ALDH5A1: variants seen among roughly 807,000 people sequenced by gnomAD.
ALDH5A1 encodes succinate-semialdehyde dehydrogenase, mitochondrial.
Under a neutral mutation model 54.7 loss-of-function variants are expected in ALDH5A1, and 33 were observed. The observed-to-expected ratio is 0.60, with a 90% CI of 0.46 to 0.81. The LOEUF (loss-of-function observed/expected upper bound fraction) is 0.81, where lower values mean the gene tolerates loss of function less well. Ranked by LOEUF, ALDH5A1 falls within the 30% of genes least tolerant of loss-of-function variation. The pLI is 0.00. For missense variants in ALDH5A1, 657 were observed against 711.0 expected (o/e 0.92, Z 0.86); for synonymous variants, 294 against 292.7 (o/e 1.00, Z -0.05).
chr6:24,496,163 A>C (rs977340142), intron 1 of ALDH5A1, among the ~76,000 whole-genome samples: 2 of 152,160 alleles, frequency 1.3e-5, no homozygotes, highest in African/African-American at 4.8e-5. Flanking sequence ...GCACTCATTC[A>C]TCCATCAGCT....
chr6:24,508,361 CAAAAAAAAAAAA>C (rs1214819272), intron 4 of ALDH5A1, among the ~76,000 whole-genome samples: 3 of 13,064 alleles, frequency 2.3e-4, no homozygotes, highest in Admixed American at 8.0e-4. Flanking sequence ...ACTCCATCTC[CAAAAAAAAAAAA>C]AAAAAAAAAA....
intron 1 of ALDH5A1, among the ~76,000 whole-genome samples, chr6:24,498,755 G>A (rs2127380821): frequency 6.6e-6 from 1 of 152,276 alleles, no homozygotes; most frequent in Non-Finnish European, 1.5e-5. Flanking sequence ...CCTGAGGTCA[G>A]GAGTTCGAGA....
At chr6:24,510,332 G>A (rs2760137) in intron 4 of ALDH5A1, among the ~76,000 whole-genome samples, 136,175 of 152,226 alleles carry the variant, frequency 0.89, 61,605 homozygotes, top group African/African-American at 0.96. Context: ...GTTCCAGGGT[G>A]TAGTTTAAAT....
chr6:24,522,921 A>G lies in ALDH5A1; in HGVS notation c.1169A>G (p.Glu390Gly), dbSNP rs142677472. 7.1e-5 allele frequency: 115 copies of G among 1,613,766 alleles called. No individual in the cohort carries two copies. Among genetic ancestry groups the G allele is most frequent in the Non-Finnish European group, 9.7e-5 (114 of 1,179,902 alleles). The change falls in exon 7 of 10, where the codon GAA (glutamate) becomes GGA (glycine). Residue 390 changes from glutamate to glycine, a missense_variant. Glu to Gly is a moderately conservative substitution (Grantham distance 98, BLOSUM62 -2). Transcript: ENST00000357578. ...QGPLINEKAV[E>G]KVEKQVNDAV... is the part of the protein sequence containing the mutation. ...CCATTAATTAATGAAAAAGCGGTAG[A>G]AAAGGTAAGTATATTGTATTATTTG...
chr6:24,496,453 G>A (rs1398520415), intron 1 of ALDH5A1, among the ~76,000 whole-genome samples: 1 of 152,224 alleles, frequency 6.6e-6, no homozygotes, highest in Non-Finnish European at 1.5e-5. Context: ...TCCTCTGCTA[G>A]GGCTGCCATA....
chr6:24,503,900 A>T (rs1329259606), intron 3 of ALDH5A1, among the ~76,000 whole-genome samples: 1 of 152,236 alleles, frequency 6.6e-6, no homozygotes, highest in African/African-American at 2.4e-5. Flanking sequence ...TTCTAGAGGT[A>T]AAAAGGCTAA....
Position 24,534,763 on chromosome 6 carries a change from CTGAG to C in ALDH5A1, c.*1053_*1056del, listed in dbSNP as rs956734219. The stretch of plus-strand genomic sequence containing the variant: ...TGCCCACTTGCCCACCGACCTGAGC[CTGAG>C]TAAGTGGCTGTCACCTGAGCCTGTT... On this transcript the variant is annotated 3_prime_UTR_variant, in exon 10 of 10. Transcript: ENST00000357578. 5.9e-5 allele frequency: 9 copies of C among 152,450 alleles called. No homozygotes were observed. Among genetic ancestry groups the C allele is most frequent in the African/African-American group, 2.2e-4 (9 of 41,580 alleles). 9.4% of individuals were successfully genotyped at this position (152,450 alleles called of 1,614,324 possible).
chr6:24,502,736 TC>T (rs532647697), intron 2 of ALDH5A1, 130 bp downstream of exon 2: 483 of 728,642 alleles, frequency 6.6e-4, no homozygotes, highest in Non-Finnish European at 9.9e-4. Context: ...TCTCTACTGA[TC>T]AAATACCAAA....
chr6:24,502,767 C>T (rs1427477817), intron 2 of ALDH5A1, among the ~76,000 whole-genome samples, 161 bp downstream of exon 2: 1 of 152,164 alleles, frequency 6.6e-6, no homozygotes, highest in Non-Finnish European at 1.5e-5. Context: ...TGCCAGGGTA[C>T]TTAGATTTGC....
chr6:24,532,663 T>C (rs541674018), intron 9 of ALDH5A1, among the ~76,000 whole-genome samples: 44 of 152,224 alleles, frequency 2.9e-4, no homozygotes, highest in African/African-American at 1.0e-3. Flanking sequence ...AGGTGGTCAC[T>C]GCATGTACTC....
intron 4 of ALDH5A1, among the ~76,000 whole-genome samples, chr6:24,507,829 G>A (rs1759387301): frequency 6.6e-6 from 1 of 151,866 alleles, no homozygotes. Flanking sequence ...GGTGGTATTT[G>A]GTTACATGAT....
At chr6:24,527,355 C>T (rs1759834967) in intron 7 of ALDH5A1, among the ~76,000 whole-genome samples, 2 of 151,930 alleles carry the variant, frequency 1.3e-5, no homozygotes, top group South Asian at 2.1e-4. Context: ...GGGTGAATCA[C>T]GAGGTCAGGA....
chr6:24,524,008 C>T (rs1319898672), intron 7 of ALDH5A1, among the ~76,000 whole-genome samples: 1 of 123,192 alleles, frequency 8.1e-6, no homozygotes, highest in Non-Finnish European at 1.6e-5. Flanking sequence ...TTTTTTGAGA[C>T]GGCGTCTCGC....
At chr6:24,520,611 G>A (rs2127387362) in intron 6 of ALDH5A1, 67 bp downstream of exon 6, 1 of 1,596,022 alleles carries the variant, frequency 6.3e-7, no homozygotes, top group Non-Finnish European at 8.5e-7. Flanking sequence ...GTATGTGTGT[G>A]TGTGTGATAT....
rs116757021 is a variant in ALDH5A1, at chr6:24,531,828, A to G, written c.1344-291A>G. ...CCAAGAATAGTAATCCTTTTTTTTTAAAGGGATTTTGTTTGATATTCTGGA... is the reference window on the plus strand; with the variant it reads ...CCAAGAATAGTAATCCTTTTTTTTTGAAGGGATTTTGTTTGATATTCTGGA... On this transcript the variant is annotated intron_variant, in intron 8 of 9. Coordinates refer to ENST00000357578, the MANE Select transcript of ALDH5A1 (RefSeq NM_001080.3). 8.2e-3 allele frequency among the ~76,000 whole-genome samples: 1,252 copies of G among 152,080 alleles called. 19 individuals carry two copies. Among genetic ancestry groups the G allele is most frequent in the African/African-American group, 0.028 (1,180 of 41,528 alleles).
At position 24,516,455 on chromosome 6, in the gene ALDH5A1, A is replaced by AAAC. The variant is rs376627080; in HGVS notation, c.870+1147_870+1148insCAA. Among the ~76,000 whole-genome samples, 194 of 139,268 alleles carry AAAC rather than the reference A, an allele frequency of 1.4e-3. 7 individuals carry two copies. Among genetic ancestry groups the AAAC allele is most frequent in the Admixed American group, 2.2e-3 (29 of 13,418 alleles). The allele number at this position is 139,268 out of a possible 152,430, so 91.4% of individuals were successfully genotyped here. On this transcript the variant is annotated intron_variant, in intron 5 of 9. Transcript: ENST00000357578. The stretch of plus-strand genomic sequence containing the variant: ...GACTCTGTCTCAAAAAAAAAAAAAA[A>AAAC]AAAATTAAAAATTAAAAAAAATAAA...
intron 5 of ALDH5A1, among the ~76,000 whole-genome samples, chr6:24,517,202 C>T (rs540523833): frequency 9.2e-5 from 14 of 152,234 alleles, no homozygotes; most frequent in African/African-American, 3.1e-4. Context: ...GATGGGGTTT[C>T]GCCATGTTGG....
In ALDH5A1 at chr6:24,508,546, C is replaced by A. The variant is rs2817226; in HGVS notation, c.726+3561C>A. Among the ~76,000 whole-genome samples, 5 of 151,956 alleles carry A rather than the reference C, an allele frequency of 3.3e-5. No individual in the cohort carries two copies. The East Asian group carries it at 9.7e-4, about 29-fold the overall frequency. On this transcript the variant is annotated intron_variant, in intron 4 of 9. Coordinates refer to ENST00000357578, the MANE Select transcript of ALDH5A1 (RefSeq NM_001080.3). ...GATGGGCATTTGGGTTTGTTCCATG[C>A]TTTTGCAATTGTGAATTGTGCTGCT...
intron 4 of ALDH5A1, among the ~76,000 whole-genome samples, chr6:24,508,361 CA>C (rs1214819272): frequency 0.049 from 639 of 12,914 alleles, 8 homozygotes; most frequent in Non-Finnish European, 0.087. Context: ...ACTCCATCTC[CA>C]AAAAAAAAAA....
Sources: allele counts gnomAD v4.1 joint callset (sites outside exome capture counted in the v4.1 genomes callset), GRCh38; gene constraint gnomAD v4.1.1; transcripts MANE v1.5; gene names NCBI Gene and HGNC (gene_info 2026-07-23, HGNC 2026-07-21).